SORCS1: variants seen among roughly 807,000 people sequenced by gnomAD.
The protein encoded by SORCS1 is sortilin related VPS10 domain containing receptor 1, also known as VPS10 domain-containing receptor SorCS1.
In SORCS1, 60 loss-of-function variants were observed where a neutral mutation model predicts 146.1. That is an observed-to-expected ratio of 0.41 (90% CI 0.33 to 0.51). SORCS1 has a LOEUF of 0.51. SORCS1 is among the 20% of genes least tolerant of loss of function. The pLI, the probability that SORCS1 is intolerant of heterozygous loss-of-function variation, is 0.21. For missense variants in SORCS1, 1,352 were observed against 1,487.6 expected, an observed-to-expected ratio of 0.91 and a Z score of 1.50; for synonymous variants, 637 against 584.0, an observed-to-expected ratio of 1.09 and a Z score of -1.31.
intron 21 of SORCS1, 86 bp downstream of exon 21, chr10:106,618,063 C>G (rs1416647066): frequency 1.3e-6 from 2 of 1,561,118 alleles, no homozygotes; most frequent in African/African-American, 2.7e-5. Context: ...AAAGTCACAG[C>G]TGGGGGATGG....
At chr10:107,058,834 C>T (rs1345802643) in intron 1 of SORCS1, among the ~76,000 whole-genome samples, 1 of 152,134 alleles carries the variant, frequency 6.6e-6, no homozygotes. Context: ...GTTCCAGTTA[C>T]CTAAGATTTT....
chr10:106,984,149 A>G (rs74632977), intron 1 of SORCS1, among the ~76,000 whole-genome samples: 33,807 of 152,124 alleles, frequency 0.22, 4,558 homozygotes, highest in Middle Eastern at 0.33. Flanking sequence ...ATAAAAGGGA[A>G]CCATAAAGAC....
At chr10:106,778,812 A>G (rs1258819067) in intron 3 of SORCS1, among the ~76,000 whole-genome samples, 1 of 152,170 alleles carries the variant, frequency 6.6e-6, no homozygotes, top group African/African-American at 2.4e-5. Context: ...CCTGTTAGCC[A>G]GAATATGCTT....
At chr10:106,715,153 A>C (rs2135890122) in intron 6 of SORCS1, among the ~76,000 whole-genome samples, 3 of 152,340 alleles carry the variant, frequency 2.0e-5, no homozygotes, top group Middle Eastern at 6.8e-3. Context: ...TAATAGTATT[A>C]AGTATGATGA....
rs1438336280 is a variant in SORCS1 at position 106,611,892 on chromosome 10, A to C, written c.3033+19T>G. On this transcript the variant is annotated intron_variant, in intron 22 of 25. Coordinates refer to ENST00000263054, the MANE Select transcript of SORCS1 (RefSeq NM_052918.5). ...AGAGAAAAGGTACCCGGGCAAGAGAAGAAACTGTGTGCACTCACTTCCACC... is the reference window on the plus strand; with the variant it reads ...AGAGAAAAGGTACCCGGGCAAGAGACGAAACTGTGTGCACTCACTTCCACC... 21 of 1,571,816 alleles carry C rather than the reference A, an allele frequency of 1.3e-5. No individual in the cohort carries two copies. Among genetic ancestry groups the C allele is most frequent in the Non-Finnish European group, 1.6e-5 (18 of 1,141,874 alleles).
chr10:106,707,950 C>G (rs948904093), intron 7 of SORCS1, among the ~76,000 whole-genome samples: 1 of 152,178 alleles, frequency 6.6e-6, no homozygotes, highest in Admixed American at 6.5e-5. Flanking sequence ...ATCATCTTCA[C>G]CGTCATGTGG....
intron 6 of SORCS1, among the ~76,000 whole-genome samples, chr10:106,726,216 ACAGGT>A (rs1363852039): frequency 1.0e-5 from 1 of 98,060 alleles, no homozygotes; most frequent in African/African-American, 4.1e-5. Flanking sequence ...TTACACTGTG[ACAGGT>A]CAGGTGTTAT....
chr10:106,928,527 C>T (rs1332991076), intron 2 of SORCS1, among the ~76,000 whole-genome samples: 1 of 152,238 alleles, frequency 6.6e-6, no homozygotes, highest in Non-Finnish European at 1.5e-5. Context: ...TTGGCCAGCC[C>T]AGAAAGGGGC....
At chr10:106,629,885 A>T (rs1411949374) in intron 18 of SORCS1, among the ~76,000 whole-genome samples, 1 of 152,156 alleles carries the variant, frequency 6.6e-6, no homozygotes, top group Non-Finnish European at 1.5e-5. Context: ...CTCTACTAAA[A>T]ATACAAAAAT....
chr10:107,004,249 T>C (rs1005833397), intron 1 of SORCS1, among the ~76,000 whole-genome samples: 1 of 151,936 alleles, frequency 6.6e-6, no homozygotes, highest in Non-Finnish European at 1.5e-5. Flanking sequence ...TATCCAAGTT[T>C]GTATTCCTAA....
At chr10:107,086,119 A>G (rs140152848) in intron 1 of SORCS1, among the ~76,000 whole-genome samples, 67 of 152,346 alleles carry the variant, frequency 4.4e-4, no homozygotes, top group African/African-American at 1.4e-3. Flanking sequence ...ATCTCGTCTA[A>G]GCACAATACC....
chr10:106,643,554 G>GGA (rs1174048999), intron 18 of SORCS1, among the ~76,000 whole-genome samples: 1 of 152,264 alleles, frequency 6.6e-6, no homozygotes, highest in Admixed American at 6.5e-5. Flanking sequence ...TTGGTGCTCT[G>GGA]CACCAGGAGA....
chr10:106,940,479 A>G (rs573023226), intron 2 of SORCS1, among the ~76,000 whole-genome samples: 7 of 152,376 alleles, frequency 4.6e-5, no homozygotes, highest in Middle Eastern at 6.8e-3. Flanking sequence ...GAAAGTGCTT[A>G]CAATTCAAAC....
chr10:107,002,157 A>G lies in SORCS1; in HGVS notation c.559-45577T>C, dbSNP rs146729782. Reference sequence around the variant, plus strand: ...CCTATCTCATTATTAAAGCAGGCCCAGGAGCATCACCACAAAAGGTGTTAA... The same window carrying G: ...CCTATCTCATTATTAAAGCAGGCCCGGGAGCATCACCACAAAAGGTGTTAA... On this transcript the variant is annotated intron_variant, in intron 1 of 25. Transcript: ENST00000263054. Among the ~76,000 whole-genome samples, 35 of 152,356 alleles carry G rather than the reference A, an allele frequency of 2.3e-4. No homozygotes were observed. The East Asian group carries it at 6.4e-3, about 28-fold the overall frequency.
At chr10:107,132,364 C>G (rs1966923389) in intron 1 of SORCS1, among the ~76,000 whole-genome samples, 3 of 152,206 alleles carry the variant, frequency 2.0e-5, no homozygotes, top group Admixed American at 1.3e-4. Context: ...ACCCATTCTG[C>G]TCTTAATTCC....
At chr10:106,760,694 A>C (rs1053020752) in intron 5 of SORCS1, among the ~76,000 whole-genome samples, 50 of 134,688 alleles carry the variant, frequency 3.7e-4, no homozygotes, top group African/African-American at 1.5e-3. Context: ...CATACACACA[A>C]ACACACACAC....
rs113877714 is a variant in SORCS1 at position 106,686,112 on chromosome 10, A to T, written c.1560+2080T>A. 9.5e-4 allele frequency among the ~76,000 whole-genome samples: 145 copies of T among 152,226 alleles called. No individual in the cohort carries two copies. The South Asian group carries it at 0.01, about 11-fold the overall frequency. On this transcript the variant is annotated intron_variant, in intron 10 of 25. Transcript: ENST00000263054. ...ACCTCAAAATAAAGTTGATTTTTTA[A>T]AAAAAATGGTCCCATTGGCTGCTGT... is the stretch of plus-strand genomic sequence containing the variant.
chr10:106,925,758 A>T (rs780397186), intron 2 of SORCS1, among the ~76,000 whole-genome samples: 11 of 152,348 alleles, frequency 7.2e-5, no homozygotes, highest in Non-Finnish European at 1.6e-4. Flanking sequence ...CCAGCAAAAC[A>T]ACACAACAGA....
intron 1 of SORCS1, among the ~76,000 whole-genome samples, chr10:106,969,606 G>C (rs10787001): frequency 0.8 from 121,484 of 152,166 alleles, 48,810 homozygotes; most frequent in African/African-American, 0.89. Context: ...AAGTCATAAA[G>C]AAAACGAGAT....
Sources: gnomAD v4.1 joint callset for allele counts (sites outside exome capture counted in the v4.1 genomes callset) on GRCh38, gnomAD v4.1.1 for gene constraint, MANE v1.5 for transcripts, NCBI Gene and HGNC (gene_info 2026-07-23, HGNC 2026-07-21) for gene names.